Variants in GRK5 observed in about 807,000 individuals in gnomAD.
GRK5 encodes the protein G protein-coupled receptor kinase 5.
A neutral mutation model predicts 78.4 loss-of-function variants in GRK5; 40 were observed. That is an observed-to-expected ratio of 0.51 (90% CI 0.40 to 0.66). The LOEUF is 0.66. Ranked by LOEUF, GRK5 falls within the 30% of genes least tolerant of loss-of-function variation. The pLI, the probability that GRK5 is intolerant of heterozygous loss-of-function variation, is 0.00. For missense variants in GRK5, 598 were observed against 759.9 expected (o/e 0.79, Z 2.50); for synonymous variants, 289 against 296.8 (o/e 0.97, Z 0.27).
chr10:119,415,465 G>A (rs989521370), intron 4 of GRK5, among the ~76,000 whole-genome samples: 1 of 152,178 alleles, frequency 6.6e-6, no homozygotes, highest in Non-Finnish European at 1.5e-5. Context: ...ATTGGGGGCC[G>A]CTGATGCTGT....
chr10:119,433,692 T>C (rs1024719433), intron 8 of GRK5, among the ~76,000 whole-genome samples: 8 of 152,312 alleles, frequency 5.3e-5, no homozygotes, highest in Non-Finnish European at 1.2e-4. Context: ...TGGCCCACGA[T>C]GGCCGGGTTT....
At chr10:119,436,566 C>T in intron 8 of GRK5, 85 bp from the exon 9 acceptor site, 2 of 1,369,748 alleles carry the variant, frequency 1.5e-6, no homozygotes, top group South Asian at 1.2e-5. Flanking sequence ...TCCCTCACAC[C>T]CCAGCTCCCA....
At position 119,425,023 on chromosome 10, in the gene GRK5, A is replaced by G; in HGVS notation, c.471A>G (p.Pro157=). The G allele has an allele frequency of 6.2e-7, 1 of 1,614,010 alleles. No homozygotes were observed. Among genetic ancestry groups the G allele is most frequent in the Non-Finnish European group, 8.5e-7 (1 of 1,179,884 alleles). Reference sequence around the variant, plus strand: ...TCCACGAGTACCTGAGGGGAGAACCATTCCACGAATATCTGGACAGCATGT... The same window carrying G: ...TCCACGAGTACCTGAGGGGAGAACCGTTCCACGAATATCTGGACAGCATGT... ...QSVHEYLRGE[P]FHEYLDSMFF... is the part of the protein sequence containing the mutation. The change falls in exon 6 of 16, where the codon CCA becomes CCG. Residue 157 remains proline (P), a synonymous_variant. Transcript: ENST00000392870.
At chr10:119,219,240 G>C (rs1270193202) in intron 1 of GRK5, among the ~76,000 whole-genome samples, 1 of 151,652 alleles carries the variant, frequency 6.6e-6, no homozygotes, top group African/African-American at 2.4e-5. Flanking sequence ...ATGATCATTG[G>C]ATCTGTTGCC....
intron 1 of GRK5, among the ~76,000 whole-genome samples, chr10:119,279,930 A>G (rs566561124): frequency 1.7e-3 from 266 of 152,274 alleles, no homozygotes; most frequent in African/African-American, 6.3e-3. Flanking sequence ...AGGAGGGCGC[A>G]TGATGCCTAC....
chr10:119,381,015 T>G lies in GRK5; in HGVS notation c.261+88T>G, dbSNP rs757887642. ...AAAGGAAAAAATAGATCTCATGGGT[T>G]AGAAGACTGAGGAATAAACTCACTG... On this transcript the variant is annotated intron_variant, in intron 3 of 15. Transcript: ENST00000392870. The G allele has an allele frequency of 1.4e-4, 114 of 816,022 alleles. 1 individual carries two copies. Among genetic ancestry groups the G allele is most frequent in the Middle Eastern group, 4.6e-4 (2 of 4,308 alleles). 50.5% of individuals were successfully genotyped at this position (816,022 alleles called of 1,614,324 possible).
At chr10:119,374,060 T>C (rs1178997893) in intron 2 of GRK5, among the ~76,000 whole-genome samples, 1 of 152,158 alleles carries the variant, frequency 6.6e-6, no homozygotes, top group Admixed American at 6.5e-5. Context: ...GGAATCCCTA[T>C]TGAGGTTGGA....
intron 2 of GRK5, among the ~76,000 whole-genome samples, chr10:119,329,326 A>G (rs1224862765): frequency 3.9e-5 from 6 of 152,334 alleles, no homozygotes; most frequent in African/African-American, 1.4e-4. Context: ...AAGGACAGTC[A>G]AAAACCCTGG....
At chr10:119,257,130 T>C (rs1849299726) in intron 1 of GRK5, among the ~76,000 whole-genome samples, 1 of 152,266 alleles carries the variant, frequency 6.6e-6, no homozygotes, top group Admixed American at 6.5e-5. Flanking sequence ...AATCCACTCA[T>C]CCACTGATGC....
intron 5 of GRK5, among the ~76,000 whole-genome samples, 181 bp downstream of exon 5, chr10:119,423,447 C>G (rs1193104760): frequency 7.0e-6 from 1 of 142,358 alleles, no homozygotes; most frequent in African/African-American, 2.6e-5. Context: ...GTGCCAAGTC[C>G]AAAGAAAACA....
chr10:119,272,433 A>G (rs557225446), intron 1 of GRK5, among the ~76,000 whole-genome samples: 1 of 152,184 alleles, frequency 6.6e-6, no homozygotes, highest in African/African-American at 2.4e-5. Context: ...AAAATTAGCC[A>G]GGCATGATGG....
At chr10:119,221,129 C>T (rs1325985192) in intron 1 of GRK5, among the ~76,000 whole-genome samples, 1 of 152,016 alleles carries the variant, frequency 6.6e-6, no homozygotes, top group African/African-American at 2.4e-5. Context: ...GCACTCCAGC[C>T]TGAGGGACAA....
intron 1 of GRK5, among the ~76,000 whole-genome samples, chr10:119,266,965 T>C (rs2133665989): frequency 6.6e-6 from 1 of 152,154 alleles, no homozygotes; most frequent in South Asian, 2.1e-4. Flanking sequence ...TTTGTAGGGC[T>C]GGGAGCGGTG....
intron 10 of GRK5, 64 bp downstream of exon 10, chr10:119,439,832 C>A: frequency 6.6e-7 from 1 of 1,515,616 alleles, no homozygotes; most frequent in Non-Finnish European, 9.1e-7. Context: ...AAAGGGCCTC[C>A]CAGGGATTCT....
At chr10:119,216,796 T>C (rs919949823) in intron 1 of GRK5, among the ~76,000 whole-genome samples, 5 of 151,982 alleles carry the variant, frequency 3.3e-5, no homozygotes, top group African/African-American at 1.2e-4. Context: ...CTACTAAAAA[T>C]ACAAAATTAC....
chr10:119,274,608 G>A (rs1849637595), intron 1 of GRK5, among the ~76,000 whole-genome samples: 1 of 152,238 alleles, frequency 6.6e-6, no homozygotes, highest in Admixed American at 6.5e-5. Context: ...TGATGCTGCT[G>A]TGCCTCTTGA....
chr10:119,347,362 T>C (rs376369350), intron 2 of GRK5, among the ~76,000 whole-genome samples: 4 of 152,186 alleles, frequency 2.6e-5, no homozygotes, highest in South Asian at 2.1e-4. Flanking sequence ...TGTGTGTACA[T>C]GCAAGTTTGT....
chr10:119,356,662 C>T (rs1267876585), intron 2 of GRK5, among the ~76,000 whole-genome samples: 2 of 152,130 alleles, frequency 1.3e-5, no homozygotes, highest in Non-Finnish European at 2.9e-5. Context: ...GCCCTTTAAC[C>T]CCATGTGTGC....
At chr10:119,248,608 G>A (rs944937531) in intron 1 of GRK5, among the ~76,000 whole-genome samples, 3 of 152,150 alleles carry the variant, frequency 2.0e-5, no homozygotes, top group Non-Finnish European at 2.9e-5. Flanking sequence ...GAGTGACCTA[G>A]GGCAGGGGGT....
Sources: allele counts gnomAD v4.1 joint callset (sites outside exome capture counted in the v4.1 genomes callset), GRCh38; gene constraint gnomAD v4.1.1; transcripts MANE v1.5; gene names NCBI Gene and HGNC (gene_info 2026-07-23, HGNC 2026-07-21).